The following RPN1 variants were observed in gnomAD, a reference collection of about 807,000 sequenced individuals.
RPN1 encodes the protein dolichyl-diphosphooligosaccharide--protein glycosyltransferase subunit 1.
Under a neutral mutation model 55.5 loss-of-function variants are expected in RPN1, and 12 were observed. That is an observed-to-expected ratio of 0.22 (90% CI 0.14 to 0.35). The LOEUF (loss-of-function observed/expected upper bound fraction) is 0.35, where lower values mean the gene tolerates loss of function less well. Ranked by LOEUF, RPN1 falls within the 10% of genes least tolerant of loss-of-function variation. The pLI is 1.00. For missense variants in RPN1, 679 were observed against 761.3 expected (o/e 0.89, Z 1.27); for synonymous variants, 317 against 305.9 (o/e 1.04, Z -0.38).
chr3:128,646,625 G>A (rs921437175), intron 1 of RPN1, among the ~76,000 whole-genome samples: 3 of 151,856 alleles, frequency 2.0e-5, no homozygotes, highest in African/African-American at 4.8e-5. Flanking sequence ...GGTGGAGGCT[G>A]CAGTGAGCCA....
At chr3:128,641,316 A>C (rs1000761330) in intron 2 of RPN1, among the ~76,000 whole-genome samples, 1 of 152,138 alleles carries the variant, frequency 6.6e-6, no homozygotes, top group African/African-American at 2.4e-5. Flanking sequence ...AAATTTTTTA[A>C]TGTTCCCAAC....
intron 3 of RPN1, among the ~76,000 whole-genome samples, chr3:128,634,303 G>A (rs1162255745): frequency 6.6e-6 from 1 of 151,824 alleles, no homozygotes; most frequent in South Asian, 2.1e-4. Flanking sequence ...ACTCCAGCCT[G>A]GGCGAGAGTA....
At chr3:128,649,967 C>T (rs2069803286) in intron 1 of RPN1, among the ~76,000 whole-genome samples, 2 of 152,358 alleles carry the variant, frequency 1.3e-5, no homozygotes, top group South Asian at 4.1e-4. Context: ...AAATGCGAAA[C>T]CTGTTACATT....
intron 1 of RPN1, among the ~76,000 whole-genome samples, chr3:128,647,300 T>C (rs192990716): frequency 7.8e-4 from 118 of 152,246 alleles, no homozygotes; most frequent in Middle Eastern, 3.4e-3. Context: ...TTTTAAAATA[T>C]ATCAAAAAGC....
rs190649886 is a variant in RPN1 at position 128,636,642 on chromosome 3, C to T, written c.633+1157G>A. Reference sequence around the variant, plus strand: ...AATCATAGCTAACTGCAGCATTAACCTCCTGGGCTCAAGTAATCCTCCCAC... The same window carrying T: ...AATCATAGCTAACTGCAGCATTAACTTCCTGGGCTCAAGTAATCCTCCCAC... On this transcript the variant is annotated intron_variant, in intron 3 of 9. Coordinates refer to ENST00000296255, the MANE Select transcript of RPN1 (RefSeq NM_002950.4). 3.6e-4 allele frequency among the ~76,000 whole-genome samples: 55 copies of T among 152,174 alleles called. No homozygotes were observed. In the East Asian group the frequency reaches 8.3e-3, roughly 23 times the overall value.
At chr3:128,637,195 G>A (rs1437582790) in intron 3 of RPN1, among the ~76,000 whole-genome samples, 1 of 151,934 alleles carries the variant, frequency 6.6e-6, no homozygotes, top group Non-Finnish European at 1.5e-5. Context: ...CTATGATTAT[G>A]CCACTGTACT....
At chr3:128,646,964 C>T (rs2069773350) in intron 1 of RPN1, among the ~76,000 whole-genome samples, 1 of 149,602 alleles carries the variant, frequency 6.7e-6, no homozygotes, top group African/African-American at 2.5e-5. Flanking sequence ...CAGAGTGGGA[C>T]TTCCTCTCAA....
At chr3:128,636,494 AAAAAG>A (rs2069683164) in intron 3 of RPN1, among the ~76,000 whole-genome samples, 1 of 152,082 alleles carries the variant, frequency 6.6e-6, no homozygotes, top group Non-Finnish European at 1.5e-5. Flanking sequence ...ACAAAAAAAA[AAAAAG>A]AAACAATTAT....
At chr3:128,629,914 G>A in intron 5 of RPN1, 37 bp downstream of exon 5, 1 of 1,196,348 alleles carries the variant, frequency 8.4e-7, no homozygotes, top group Non-Finnish European at 1.2e-6. Context: ...CGAAATTAAA[G>A]AAAAGGTTAG....
intron 3 of RPN1, 25 bp from the exon 4 acceptor site, chr3:128,632,182 C>A: frequency 1.2e-6 from 2 of 1,611,646 alleles, no homozygotes; most frequent in South Asian, 1.1e-5. Flanking sequence ...ACAAATAGTT[C>A]AAAGTTTTGG....
At chr3:128,640,828 C>T (rs751738600) in intron 2 of RPN1, among the ~76,000 whole-genome samples, 70 of 152,214 alleles carry the variant, frequency 4.6e-4, no homozygotes, top group Non-Finnish European at 9.6e-4. Context: ...GCATCTCTTC[C>T]TATTAATCTC....
At chr3:128,631,776 TG>T (rs1192612733) in intron 4 of RPN1, among the ~76,000 whole-genome samples, 171 bp downstream of exon 4, 1 of 151,938 alleles carries the variant, frequency 6.6e-6, no homozygotes, top group Non-Finnish European at 1.5e-5. Context: ...TCTATATATA[TG>T]GGGGGGTATT....
intron 1 of RPN1, among the ~76,000 whole-genome samples, chr3:128,649,050 T>A (rs1359117618): frequency 1.3e-5 from 2 of 152,094 alleles, no homozygotes. Context: ...CACAGTAGAG[T>A]CCCAGTAAGA....
intron 9 of RPN1, among the ~76,000 whole-genome samples, chr3:128,621,331 C>T (rs1470420375): frequency 1.3e-5 from 2 of 152,196 alleles, no homozygotes; most frequent in East Asian, 1.9e-4. Context: ...GGCAACATGG[C>T]GAAACCCCAT....
chr3:128,631,310 C>A (rs1452088975), intron 4 of RPN1, among the ~76,000 whole-genome samples: 1 of 151,266 alleles, frequency 6.6e-6, no homozygotes, highest in Non-Finnish European at 1.5e-5. Context: ...CCTGTCTCTA[C>A]TAAAAATACA....
intron 3 of RPN1, among the ~76,000 whole-genome samples, chr3:128,636,183 G>A (rs7633674): frequency 0.35 from 52,892 of 151,962 alleles, 9,388 homozygotes; most frequent in Middle Eastern, 0.41. Flanking sequence ...AAAACAGGCT[G>A]GGCGCAGTGA....
chr3:128,622,552 ATACC>A, intron 8 of RPN1, 143 bp from the exon 9 acceptor site: 1 of 1,025,298 alleles, frequency 9.8e-7, no homozygotes, highest in South Asian at 1.6e-5. Context: ...ACCCCTACTG[ATACC>A]TAATCTGGAC....
chr3:128,625,719 G>C, intron 7 of RPN1, 66 bp from the exon 8 acceptor site: 2 of 1,606,826 alleles, frequency 1.2e-6, no homozygotes, highest in Non-Finnish European at 1.7e-6. Flanking sequence ...ACTCACCCAG[G>C]CTGGCCCACT....
At chr3:128,630,439 A>G (rs1381403785) in intron 4 of RPN1, among the ~76,000 whole-genome samples, 1 of 152,216 alleles carries the variant, frequency 6.6e-6, no homozygotes, top group East Asian at 1.9e-4. Flanking sequence ...CTTGCAAGTT[A>G]TTTTGCAGAG....
Sources: gnomAD v4.1 joint callset for allele counts (sites outside exome capture counted in the v4.1 genomes callset) on GRCh38, gnomAD v4.1.1 for gene constraint, MANE v1.5 for transcripts, NCBI Gene and HGNC (gene_info 2026-07-23, HGNC 2026-07-21) for gene names.